PRKAB2: variants seen among roughly 807,000 people sequenced by gnomAD.
The protein encoded by PRKAB2 is protein kinase AMP-activated non-catalytic subunit beta 2.
PRKAB2 carries 18 observed loss-of-function variants against 29.8 expected under a neutral mutation model. The ratio of observed to expected loss-of-function variants is 0.60; its 90% CI spans 0.42 to 0.89. The LOEUF is 0.89. PRKAB2 is among the 40% of genes least tolerant of loss of function. PRKAB2 has a pLI of 0.00. For missense variants in PRKAB2, 270 were observed against 344.3 expected, an observed-to-expected ratio of 0.78 and a Z score of 1.71; for synonymous variants, 136 against 125.9, an observed-to-expected ratio of 1.08 and a Z score of -0.54.
Position 147,162,556 on chromosome 1 carries a change from G to T in PRKAB2, c.556C>A (p.Pro186Thr), listed in dbSNP as rs1553913206. 6.2e-7 allele frequency: 1 copy of T among 1,610,574 alleles called. No homozygotes were observed. Among genetic ancestry groups the T allele is most frequent in the Non-Finnish European group, 8.5e-7 (1 of 1,178,282 alleles). ...TACATTTCTTGACCATAAGGCCCTG[G>T]GGGTGAGCTGGAAAGGTCTGAAAGA... is the stretch of plus-strand genomic sequence containing the variant. ...TSCRDLSSSP[P>T]GPYGQEMYAF... is the part of the protein sequence containing the mutation. Residue 186 changes from proline (P) to threonine (T), a missense_variant, in exon 6 of 8, where the codon CCA becomes ACA. Transcript: ENST00000254101.
rs1653800621 is a variant in PRKAB2 at position 147,158,827 on chromosome 1, A to C, written c.*738T>G. On this transcript the variant is annotated 3_prime_UTR_variant, in exon 8 of 8. Transcript: ENST00000254101. ...ATTTTCTTTAGAAGTTAAAACAAAC[A>C]CGACAAAGTGGCCTGGGCCTGTGCT... The C allele has an allele frequency of 6.6e-6, 1 of 152,178 alleles. No homozygotes were observed. The highest frequency in any genetic ancestry group is 1.5e-5 in the Non-Finnish European group (1 of 68,034). The allele number at this position is 152,178 out of a possible 1,614,324, so 9.4% of individuals were successfully genotyped here.
chr1:147,172,076 G>A lies in PRKAB2; in HGVS notation c.69C>T (p.Gly23=), dbSNP rs587669301. 5.7e-6 allele frequency: 9 copies of A among 1,570,104 alleles called. No individual in the cohort carries two copies. In the South Asian group the frequency reaches 8.2e-5, roughly 14 times the overall value. The change falls in exon 2 of 8, where the codon GGC becomes GGT. Residue 23 remains glycine (G), a synonymous_variant. Transcript: ENST00000254101. ...CCTTCCCCGGGGCATGGCCGCCTGC[G>A]CCCTCGGAGCGTGCAGCCTTGGCGC... is the stretch of plus-strand genomic sequence containing the variant. ...RHGAKAARSE[G]AGGHAPGKEH...
intron 1 of PRKAB2, 54 bp downstream of exon 1, chr1:147,172,375 G>C (rs1362801172): frequency 1.7e-6 from 1 of 596,886 alleles, no homozygotes; most frequent in African/African-American, 2.0e-5. Context: ...CCCGCTATCG[G>C]GACCTCCCCC....
chr1:147,169,190 T>TA (rs1174435385), intron 2 of PRKAB2, among the ~76,000 whole-genome samples: 103 of 152,142 alleles, frequency 6.8e-4, no homozygotes, highest in African/African-American at 1.4e-3. Flanking sequence ...GGTTTTTTTT[T>TA]AAAAAAAGGA....
intron 7 of PRKAB2, chr1:147,160,899 T>A (rs1333891482): frequency 6.6e-6 from 1 of 152,160 alleles, no homozygotes; most frequent in African/African-American, 2.4e-5. Context: ...AATATATTTT[T>A]AAGTGTTATA....
Position 147,167,845 on chromosome 1 carries a change from C to A in PRKAB2, c.245G>T (p.Arg82Leu). 1 of 1,614,138 alleles carries A rather than the reference C, an allele frequency of 6.2e-7. No homozygotes were observed. Among genetic ancestry groups the A allele is most frequent in the Non-Finnish European group, 8.5e-7 (1 of 1,180,014 alleles). ...PTQQARPTVI[R>L]WSEGGKEVFI... ...GACCTCCTTGCCTCCTTCAGACCAG[C>A]GGATAACAGTGGGCCGGGCCTGCTG... is the stretch of plus-strand genomic sequence containing the variant. The change falls in exon 3 of 8, where the codon CGC becomes CTC. Residue 82 changes from arginine (R) to leucine (L), a missense_variant. Arg to Leu is a moderately radical substitution (Grantham distance 102, BLOSUM62 -2). Transcript: ENST00000254101.
chr1:147,160,357 G>C (rs1193504712), intron 7 of PRKAB2, among the ~76,000 whole-genome samples: 1 of 152,138 alleles, frequency 6.6e-6, no homozygotes, highest in Non-Finnish European at 1.5e-5. Flanking sequence ...ACCTGAGTCA[G>C]AACCAGTAAG....
Position 147,155,230 on chromosome 1 carries a change from T to C in PRKAB2, c.*4335A>G, listed in dbSNP as rs1380186077. On this transcript the variant is annotated 3_prime_UTR_variant, in exon 8 of 8. Coordinates refer to ENST00000254101, the MANE Select transcript of PRKAB2 (RefSeq NM_005399.5). The stretch of plus-strand genomic sequence containing the variant: ...TGACAAATTACGTTTGAAGAACAGC[T>C]TTAAAATCCACTCTTGTCTGCCACT... 6.6e-6 allele frequency: 1 copy of C among 151,830 alleles called. No homozygotes were observed. The highest frequency in any genetic ancestry group is 2.5e-5 in the African/African-American group (1 of 40,712). 9.4% of individuals were successfully genotyped at this position (151,830 alleles called of 1,614,324 possible).
At chr1:147,168,862 G>A (rs587676484) in intron 2 of PRKAB2, among the ~76,000 whole-genome samples, 3 of 152,282 alleles carry the variant, frequency 2.0e-5, no homozygotes, top group African/African-American at 7.2e-5. Context: ...TGCAGTGAGT[G>A]GTGTAATCAT....
rs587758713 is a variant in PRKAB2, at chr1:147,166,260, G to C, written c.538+238C>G. Among the ~76,000 whole-genome samples the C allele has an allele frequency of 3.3e-5, 5 of 152,256 alleles. No homozygotes were observed. In the South Asian group the frequency reaches 1.0e-3, roughly 32 times the overall value. ...TAAAAGATAACATGGAAAATAGAGTGTATCCCATGTAATAAGGTAAACATT... is the reference window on the plus strand; with the variant it reads ...TAAAAGATAACATGGAAAATAGAGTCTATCCCATGTAATAAGGTAAACATT... On this transcript the variant is annotated intron_variant, in intron 5 of 7. Coordinates refer to ENST00000254101, the MANE Select transcript of PRKAB2 (RefSeq NM_005399.5).
chr1:147,172,350 C>T, intron 1 of PRKAB2, 79 bp downstream of exon 1: 1 of 686,864 alleles, frequency 1.5e-6, no homozygotes, highest in Non-Finnish European at 2.3e-6. Flanking sequence ...CCCTCACTGG[C>T]CCTAGCTCAG....
chr1:147,167,069 A>G, intron 3 of PRKAB2, 130 bp from the exon 4 acceptor site: 1 of 715,688 alleles, frequency 1.4e-6, no homozygotes, highest in Non-Finnish European at 2.4e-6. Context: ...CCCTGGTGTA[A>G]AAAACAACGT....
chr1:147,170,269 T>A (rs72706502), intron 2 of PRKAB2, among the ~76,000 whole-genome samples: 3 of 152,176 alleles, frequency 2.0e-5, no homozygotes, highest in African/African-American at 7.2e-5. Context: ...ATTTTCTTAA[T>A]TCACAAATGC....
At chr1:147,171,795 C>T (rs1654619450) in intron 2 of PRKAB2, among the ~76,000 whole-genome samples, 194 bp downstream of exon 2, 1 of 152,204 alleles carries the variant, frequency 6.6e-6, no homozygotes, top group South Asian at 2.1e-4. Context: ...AGCAAGAACT[C>T]CGCCTCTTTA....
chr1:147,165,499 T>G (rs1290219939), intron 5 of PRKAB2, among the ~76,000 whole-genome samples: 5 of 152,198 alleles, frequency 3.3e-5, no homozygotes. Flanking sequence ...ATGGCAAAAC[T>G]AGTTAGTAGC....
At chr1:147,166,721 C>T in intron 4 of PRKAB2, 103 bp from the exon 5 acceptor site, 1 of 1,559,862 alleles carries the variant, frequency 6.4e-7, no homozygotes, top group Non-Finnish European at 8.8e-7. Context: ...TTCTCAGCAC[C>T]TCCACGTTTT....
Position 147,159,386 on chromosome 1 carries a change from A to G in PRKAB2, c.*179T>C, listed in dbSNP as rs1428496533. On this transcript the variant is annotated 3_prime_UTR_variant, in exon 8 of 8. Transcript: ENST00000254101. ...TTTTTTTCTTAAAATAAATTCCGTGAACTCATAAAGCTCTCATCTGCAATC... is the reference window on the plus strand; with the variant it reads ...TTTTTTTCTTAAAATAAATTCCGTGGACTCATAAAGCTCTCATCTGCAATC... The G allele has an allele frequency of 1.9e-5, 10 of 539,170 alleles. No individual in the cohort carries two copies. Among genetic ancestry groups the G allele is most frequent in the Non-Finnish European group, 3.0e-5 (9 of 302,816 alleles). The allele number at this position is 539,170 out of a possible 1,614,324, so 33.4% of individuals were successfully genotyped here.
chr1:147,162,571 G>C lies in PRKAB2; in HGVS notation c.541C>G (p.Leu181Val). The C allele has an allele frequency of 1.9e-6, 3 of 1,602,878 alleles. No individual in the cohort carries two copies. Among genetic ancestry groups the C allele is most frequent in the Non-Finnish European group, 2.6e-6 (3 of 1,175,580 alleles). The part of the protein sequence containing the change: ...MESSETSCRD[L>V]SSSPPGPYGQ... ...TAAGGCCCTGGGGGTGAGCTGGAAA[G>C]GTCTGAAAGATATTTATACAAATAT... Residue 181 changes from leucine to valine, a missense_variant and splice_region_variant, in exon 6 of 8, where the codon CTT becomes GTT. Around this residue, in one of 2 missense-constraint regions of PRKAB2, gnomAD observed 228 missense variants for 255.5 expected, o/e 0.89. Transcript: ENST00000254101.
chr1:147,171,508 C>G (rs1654582612), intron 2 of PRKAB2, among the ~76,000 whole-genome samples: 2 of 152,170 alleles, frequency 1.3e-5, no homozygotes, highest in Admixed American at 1.3e-4. Context: ...AGGATCACAA[C>G]TGTAGAGCTG....
Sources: gnomAD v4.1 joint callset for allele counts (sites outside exome capture counted in the v4.1 genomes callset) on GRCh38, gnomAD v4.1.1 for gene constraint, gnomAD v4.1.1 regional missense constraint, MANE v1.5 for transcripts, NCBI Gene and HGNC (gene_info 2026-07-23, HGNC 2026-07-21) for gene names.